UTS2B: variants seen among roughly 807,000 people sequenced by gnomAD.
UTS2B encodes urotensin-2B.
In UTS2B, 21 loss-of-function variants were observed where a neutral mutation model predicts 19.2. The ratio of observed to expected loss-of-function variants is 1.09; its 90% CI spans 0.78 to 1.58. UTS2B has a LOEUF of 1.58. UTS2B is among the 40% of genes most tolerant of loss of function. UTS2B has a pLI of 0.00. For missense variants in UTS2B, 138 were observed against 130.3 expected (o/e 1.06, Z -0.29); for synonymous variants, 57 against 50.2 (o/e 1.14, Z -0.58).
chr3:191,272,307 A>G (rs1716113856), intron 8 of UTS2B, among the ~76,000 whole-genome samples: 1 of 152,234 alleles, frequency 6.6e-6, no homozygotes, highest in Non-Finnish European at 1.5e-5. Flanking sequence ...GCAGACAAGG[A>G]AACTGATATC....
intron 8 of UTS2B, among the ~76,000 whole-genome samples, chr3:191,270,392 C>T (rs1716055285): frequency 6.6e-6 from 1 of 152,108 alleles, no homozygotes; most frequent in South Asian, 2.1e-4. Context: ...GAGACACAGC[C>T]TCCCTATATT....
chr3:191,294,149 T>C (rs1382659357), intron 4 of UTS2B, among the ~76,000 whole-genome samples: 1 of 136,066 alleles, frequency 7.3e-6, no homozygotes, highest in East Asian at 2.5e-4. Flanking sequence ...ACAAACAAAG[T>C]GAGTAGGGGA....
At chr3:191,275,109 G>T in intron 8 of UTS2B, 143 bp downstream of exon 8, 2 of 561,430 alleles carry the variant, frequency 3.6e-6, no homozygotes, top group Non-Finnish European at 6.2e-6. Context: ...CACTTTTATT[G>T]GAATATATTT....
At chr3:191,324,158 T>C (rs1417165433) in intron 2 of UTS2B, among the ~76,000 whole-genome samples, 2 of 152,162 alleles carry the variant, frequency 1.3e-5, no homozygotes, top group Admixed American at 1.3e-4. Flanking sequence ...AGAGAGACCT[T>C]AGCTAGATCA....
the UTS2B span, among the ~76,000 whole-genome samples, chr3:191,337,015 G>A: frequency 6.6e-6 from 1 of 152,106 alleles, no homozygotes; most frequent in African/African-American, 2.4e-5. Flanking sequence ...AAATTTCAGT[G>A]TCTGTAAGTA....
At chr3:191,344,915 A>C in the UTS2B span, among the ~76,000 whole-genome samples, 1 of 152,182 alleles carries the variant, frequency 6.6e-6, no homozygotes, top group South Asian at 2.1e-4. Flanking sequence ...ATTGAGCGTT[A>C]GACTGTGAGG....
chr3:191,279,310 T>A (rs1716319547), intron 5 of UTS2B, among the ~76,000 whole-genome samples: 1 of 152,036 alleles, frequency 6.6e-6, no homozygotes, highest in South Asian at 2.1e-4. Flanking sequence ...GAATATCAAA[T>A]TTTGCTCAGC....
At chr3:191,296,996 T>G (rs1044774237) in intron 4 of UTS2B, among the ~76,000 whole-genome samples, 3 of 152,170 alleles carry the variant, frequency 2.0e-5, no homozygotes, top group African/African-American at 7.2e-5. Context: ...GGCAATAAAC[T>G]GTAATGATGC....
At chr3:191,298,813 C>A (rs1241890307) in intron 4 of UTS2B, among the ~76,000 whole-genome samples, 2 of 152,006 alleles carry the variant, frequency 1.3e-5, no homozygotes, top group African/African-American at 4.8e-5. Context: ...ATGGTAATAA[C>A]CAAAATCTTG....
intron 5 of UTS2B, among the ~76,000 whole-genome samples, chr3:191,281,427 A>T (rs1238147969): frequency 6.6e-6 from 1 of 152,090 alleles, no homozygotes; most frequent in East Asian, 1.9e-4. Context: ...CTATAGAAGC[A>T]CCACAAATTT....
chr3:191,329,525 C>G, intron 1 of UTS2B: 1 of 686,972 alleles, frequency 1.5e-6, no homozygotes, highest in South Asian at 2.4e-5. Flanking sequence ...CAGCCCCTGC[C>G]CGCCCGACCC....
At chr3:191,335,602 A>C in the UTS2B span, among the ~76,000 whole-genome samples, 1 of 152,156 alleles carries the variant, frequency 6.6e-6, no homozygotes, top group South Asian at 2.1e-4. Flanking sequence ...TCCTTCTGTC[A>C]TCATTTCGTT....
the UTS2B span, among the ~76,000 whole-genome samples, chr3:191,337,520 T>A: frequency 6.6e-6 from 1 of 152,102 alleles, no homozygotes; most frequent in Non-Finnish European, 1.5e-5. Context: ...AATTTTTGTA[T>A]TTTTAGTAGA....
At chr3:191,340,969 A>G in the UTS2B span, among the ~76,000 whole-genome samples, 1 of 151,292 alleles carries the variant, frequency 6.6e-6, no homozygotes, top group Admixed American at 6.6e-5. Context: ...CTGAGTAGCT[A>G]GGACTACAGG....
At chr3:191,277,970 T>A (rs1716282788) in intron 6 of UTS2B, 102 bp downstream of exon 6, 1 of 604,542 alleles carries the variant, frequency 1.7e-6, no homozygotes, top group African/African-American at 1.9e-5. Flanking sequence ...AAAAGAGTAA[T>A]TATTTCATTT....
At chr3:191,322,894 T>C (rs1049371609) in intron 2 of UTS2B, among the ~76,000 whole-genome samples, 2 of 152,164 alleles carry the variant, frequency 1.3e-5, no homozygotes, top group African/African-American at 4.8e-5. Context: ...CAACCTCCTT[T>C]CCCTTGGAAC....
At chr3:191,309,908 T>C (rs914668390) in intron 3 of UTS2B, among the ~76,000 whole-genome samples, 1 of 152,140 alleles carries the variant, frequency 6.6e-6, no homozygotes, top group Non-Finnish European at 1.5e-5. Flanking sequence ...ACCTCTTTTC[T>C]TCATAAAATT....
intron 4 of UTS2B, among the ~76,000 whole-genome samples, chr3:191,282,617 C>G (rs1716422964): frequency 6.6e-6 from 1 of 152,132 alleles, no homozygotes; most frequent in South Asian, 2.1e-4. Flanking sequence ...CTTATTAATA[C>G]TAAAGCTGAG....
intron 8 of UTS2B, 54 bp from the exon 9 acceptor site, chr3:191,268,495 G>A: frequency 1.5e-6 from 2 of 1,344,954 alleles, no homozygotes; most frequent in Non-Finnish European, 1.0e-6. Flanking sequence ...GATAAAACTT[G>A]CTCTTGAATC....
Sources: gnomAD v4.1 joint callset for allele counts (sites outside exome capture counted in the v4.1 genomes callset) on GRCh38, gnomAD v4.1.1 for gene constraint, MANE v1.5 for transcripts, NCBI Gene and HGNC (gene_info 2026-07-23, HGNC 2026-07-21) for gene names.